The following RGS6 variants were observed in gnomAD, a reference collection of about 807,000 sequenced individuals.
The protein encoded by RGS6 is regulator of G protein signaling 6.
A neutral mutation model predicts 78.5 loss-of-function variants in RGS6; 30 were observed. The ratio of observed to expected loss-of-function variants is 0.38; its 90% CI spans 0.29 to 0.52. The LOEUF is 0.52. RGS6 is among the 20% of genes least tolerant of loss of function. The probability of loss-of-function intolerance (pLI) is 0.85; values close to 1 mark genes in which losing one functional copy is unlikely to be tolerated. For missense variants in RGS6, 495 were observed against 609.7 expected, an observed-to-expected ratio of 0.81 and a Z score of 1.98; for synonymous variants, 206 against 206.0, an observed-to-expected ratio of 1.00 and a Z score of 0.00.
chr14:72,196,362 G>A (rs377191178), intron 2 of RGS6, among the ~76,000 whole-genome samples: 1 of 152,160 alleles, frequency 6.6e-6, no homozygotes, highest in Non-Finnish European at 1.5e-5. Context: ...CCTCCTCACT[G>A]ATTAGTTAGC....
intron 2 of RGS6, among the ~76,000 whole-genome samples, chr14:72,090,810 G>A (rs556673020): frequency 6.6e-6 from 1 of 152,288 alleles, no homozygotes; most frequent in Admixed American, 6.5e-5. Context: ...CCTTGCTGAT[G>A]TCTTCAGTGG....
intron 17 of RGS6, among the ~76,000 whole-genome samples, chr14:72,553,532 G>GT (rs1188028568): frequency 3.3e-5 from 5 of 152,112 alleles, no homozygotes; most frequent in Non-Finnish European, 5.9e-5. Flanking sequence ...TGGTGTCTCT[G>GT]TTTTTTCTGC....
chr14:72,286,421 A>G (rs1290324940), intron 2 of RGS6, among the ~76,000 whole-genome samples: 1 of 152,148 alleles, frequency 6.6e-6, no homozygotes, highest in African/African-American at 2.4e-5. Flanking sequence ...GGTTCGTTAT[A>G]TATTTTGAAA....
chr14:71,867,577 G>A, the RGS6 span, among the ~76,000 whole-genome samples: 1 of 152,066 alleles, frequency 6.6e-6, no homozygotes. Context: ...GAAGGAGCTG[G>A]GCCTGGAGAG....
intron 2 of RGS6, among the ~76,000 whole-genome samples, chr14:72,214,009 G>T (rs990836059): frequency 6.6e-6 from 1 of 151,958 alleles, no homozygotes; most frequent in African/African-American, 2.4e-5. Flanking sequence ...GCCAATTCTG[G>T]GTGGGATATT....
intron 2 of RGS6, among the ~76,000 whole-genome samples, chr14:72,204,072 C>T (rs1022391901): frequency 2.6e-5 from 4 of 152,166 alleles, no homozygotes; most frequent in Non-Finnish European, 5.9e-5. Flanking sequence ...GATCTGCCCA[C>T]CTCGGCCTCC....
chr14:72,151,746 G>T (rs1047298827), intron 2 of RGS6, among the ~76,000 whole-genome samples: 4 of 152,104 alleles, frequency 2.6e-5, no homozygotes, highest in African/African-American at 9.7e-5. Flanking sequence ...TCCTAAAAAG[G>T]GTAAAAAGAG....
At chr14:72,168,324 A>G (rs1465842602) in intron 2 of RGS6, among the ~76,000 whole-genome samples, 2 of 152,080 alleles carry the variant, frequency 1.3e-5, no homozygotes, top group Non-Finnish European at 2.9e-5. Flanking sequence ...ACCATTAGGA[A>G]TGTAGGCTCA....
intron 14 of RGS6, among the ~76,000 whole-genome samples, chr14:72,515,359 A>T (rs991148410): frequency 2.0e-5 from 3 of 152,206 alleles, no homozygotes; most frequent in Non-Finnish European, 4.4e-5. Context: ...ATTTTTACAT[A>T]AAAGTTTATT....
At chr14:72,394,945 C>T (rs1011385254) in intron 3 of RGS6, among the ~76,000 whole-genome samples, 12 of 152,160 alleles carry the variant, frequency 7.9e-5, no homozygotes, top group South Asian at 2.1e-4. Flanking sequence ...AACTAATTAG[C>T]GTCCATGAAA....
chr14:72,123,252 G>C (rs2096102069), intron 2 of RGS6, among the ~76,000 whole-genome samples: 1 of 152,140 alleles, frequency 6.6e-6, no homozygotes, highest in Non-Finnish European at 1.5e-5. Flanking sequence ...GTCCAGCCAG[G>C]ATAGTTCCTT....
intron 3 of RGS6, among the ~76,000 whole-genome samples, chr14:72,437,167 C>CAAAA (rs71109735): frequency 2.7e-5 from 2 of 75,034 alleles, no homozygotes; most frequent in Non-Finnish European, 4.9e-5. Context: ...ACTAAAAATA[C>CAAAA]AAAAAAAAAA....
In RGS6 at chr14:72,275,214, T is replaced by C. The variant is rs1478486854; in HGVS notation, c.85-76881T>C. ...TTTCTGATTTTCTAAAAAATATCTTTAATGAACACATATTAATTTTGTGAT... is the reference window on the plus strand; with the variant it reads ...TTTCTGATTTTCTAAAAAATATCTTCAATGAACACATATTAATTTTGTGAT... On this transcript the variant is annotated intron_variant, in intron 2 of 17. Coordinates refer to ENST00000553525, the MANE Select transcript of RGS6 (RefSeq NM_001204424.2). Among the ~76,000 whole-genome samples, 7 of 152,346 alleles carry C rather than the reference T, an allele frequency of 4.6e-5. No individual in the cohort carries two copies. The East Asian group carries it at 1.3e-3, about 29-fold the overall frequency.
chr14:72,155,627 A>G (rs1020671759), intron 2 of RGS6, among the ~76,000 whole-genome samples: 7 of 152,224 alleles, frequency 4.6e-5, no homozygotes, highest in African/African-American at 1.7e-4. Context: ...TGGATTCTTT[A>G]CGTTTATGAT....
intron 2 of RGS6, among the ~76,000 whole-genome samples, chr14:72,053,098 T>C (rs1324575990): frequency 8.1e-5 from 5 of 61,964 alleles, no homozygotes; most frequent in African/African-American, 3.4e-4. Context: ...CCTTCCTTCC[T>C]TCCTTCCTTC....
the RGS6 span, among the ~76,000 whole-genome samples, chr14:72,581,785 T>C: frequency 0.013 from 1,967 of 152,316 alleles, 59 homozygotes; most frequent in East Asian, 0.068. Flanking sequence ...CTAGAAACCT[T>C]CTCTGATTCC....
At chr14:72,235,190 T>G (rs2050700089) in intron 2 of RGS6, among the ~76,000 whole-genome samples, 1 of 152,116 alleles carries the variant, frequency 6.6e-6, no homozygotes, top group African/African-American at 2.4e-5. Context: ...GGAGTATGCG[T>G]GGATTGAAGA....
At chr14:72,491,412 C>A (rs2096576638) in intron 12 of RGS6, among the ~76,000 whole-genome samples, 1 of 152,052 alleles carries the variant, frequency 6.6e-6, no homozygotes, top group Non-Finnish European at 1.5e-5. Context: ...TCAATGCAAC[C>A]AAGACAATAT....
chr14:72,381,631 A>T (rs141994460), intron 3 of RGS6, among the ~76,000 whole-genome samples: 1 of 152,130 alleles, frequency 6.6e-6, no homozygotes, highest in Non-Finnish European at 1.5e-5. Context: ...ATGCAAAAGA[A>T]GTGAAAGGAA....
Sources: gnomAD v4.1 joint callset for allele counts (sites outside exome capture counted in the v4.1 genomes callset) on GRCh38, gnomAD v4.1.1 for gene constraint, MANE v1.5 for transcripts, NCBI Gene and HGNC (gene_info 2026-07-23, HGNC 2026-07-21) for gene names.